Variants in ARMH4 observed in about 807,000 individuals in gnomAD.
ARMH4 encodes the protein armadillo-like helical domain-containing protein 4.
A neutral mutation model predicts 61.9 loss-of-function variants in ARMH4; 49 were observed. The ratio of observed to expected loss-of-function variants is 0.79; its 90% CI spans 0.63 to 1.00. The LOEUF is 1.00. ARMH4 is among the 50% of genes least tolerant of loss of function. The pLI, the probability that ARMH4 is intolerant of heterozygous loss-of-function variation, is 0.00. For missense variants in ARMH4, 934 were observed against 930.0 expected (o/e 1.00, Z -0.06); for synonymous variants, 368 against 341.5 (o/e 1.08, Z -0.85).
chr14:58,055,805 G>A (rs1406272243), intron 5 of ARMH4, among the ~76,000 whole-genome samples: 1 of 152,206 alleles, frequency 6.6e-6, no homozygotes, highest in South Asian at 2.1e-4. Flanking sequence ...AAACTTGATG[G>A]AGGCTGACTT....
chr14:58,032,695 G>C (rs893182669), intron 5 of ARMH4, among the ~76,000 whole-genome samples: 1 of 148,012 alleles, frequency 6.8e-6, no homozygotes, highest in Non-Finnish European at 1.5e-5. Flanking sequence ...GTGTGTGCGC[G>C]CACCGTGCGC....
At chr14:58,025,337 C>A (rs963318195) in intron 5 of ARMH4, among the ~76,000 whole-genome samples, 1 of 152,088 alleles carries the variant, frequency 6.6e-6, no homozygotes, top group African/African-American at 2.4e-5. Flanking sequence ...GTGAGATATA[C>A]TTTTAGCTAG....
intron 5 of ARMH4, among the ~76,000 whole-genome samples, chr14:58,027,202 T>C (rs1209336800): frequency 1.3e-5 from 2 of 152,254 alleles, no homozygotes; most frequent in African/African-American, 4.8e-5. Context: ...ATTTCAGTTA[T>C]GTAAGATAAA....
intron 5 of ARMH4, among the ~76,000 whole-genome samples, chr14:58,076,931 A>C (rs1885065517): frequency 6.6e-6 from 1 of 152,082 alleles, no homozygotes; most frequent in African/African-American, 2.4e-5. Context: ...GGGCCACTAG[A>C]CTTAGCTTTG....
chr14:58,006,906 T>C (rs913374280), intron 6 of ARMH4, among the ~76,000 whole-genome samples: 1 of 147,254 alleles, frequency 6.8e-6, no homozygotes, highest in Non-Finnish European at 1.5e-5. Context: ...ACTTAACGTA[T>C]AATAAAAATA....
chr14:58,094,231 G>A (rs1222196458), intron 5 of ARMH4, among the ~76,000 whole-genome samples: 3 of 151,368 alleles, frequency 2.0e-5, no homozygotes. Context: ...TCAGGAGGCT[G>A]AGGCAGGAGA....
intron 1 of ARMH4, among the ~76,000 whole-genome samples, chr14:58,143,765 CTTTTTT>C (rs201034964): frequency 8.3e-6 from 1 of 120,082 alleles, no homozygotes; most frequent in South Asian, 2.6e-4. Context: ...TGCCCATCCT[CTTTTTT>C]TTTTTTTTTT....
At chr14:58,148,991 T>C (rs755742264) in intron 1 of ARMH4, among the ~76,000 whole-genome samples, 3 of 152,174 alleles carry the variant, frequency 2.0e-5, no homozygotes, top group African/African-American at 4.8e-5. Flanking sequence ...ATGAGGGGGA[T>C]AGTGTCTTAA....
At chr14:58,103,414 G>A (rs942604721) in intron 4 of ARMH4, among the ~76,000 whole-genome samples, 9 of 152,044 alleles carry the variant, frequency 5.9e-5, no homozygotes, top group African/African-American at 1.9e-4. Context: ...ACATGAGGAC[G>A]CAGCAAGAAG....
chr14:58,059,567 A>G (rs1164287251), intron 5 of ARMH4, among the ~76,000 whole-genome samples: 1 of 152,222 alleles, frequency 6.6e-6, no homozygotes, highest in Non-Finnish European at 1.5e-5. Flanking sequence ...CAAATGGACT[A>G]TTGGAAATGG....
chr14:58,131,771 A>C, intron 3 of ARMH4, 50 bp from the exon 4 acceptor site: 1 of 1,537,652 alleles, frequency 6.5e-7, no homozygotes. Flanking sequence ...TCATTATGGC[A>C]AATGTAAGCA....
chr14:58,087,300 G>A (rs567739027), intron 5 of ARMH4, among the ~76,000 whole-genome samples: 26 of 152,182 alleles, frequency 1.7e-4, no homozygotes, highest in Middle Eastern at 3.4e-3. Context: ...ACCCTGAGTC[G>A]GGAGATGCAG....
At position 58,133,359 on chromosome 14, in the gene ARMH4, AT is replaced by A. The variant is rs1373707518; in HGVS notation, c.1370-19del. The stretch of plus-strand genomic sequence containing the variant: ...GATGATGTCTTAAAGGGGGGAAAAC[AT>A]TTAAAAATAGACCAAATCCCTATTT... On this transcript the variant is annotated intron_variant, in intron 2 of 7. Transcript: ENST00000267485. 42 of 1,584,686 alleles carry A rather than the reference AT, an allele frequency of 2.7e-5. No individual in the cohort carries two copies. Among genetic ancestry groups the A allele is most frequent in the Non-Finnish European group, 3.1e-5 (36 of 1,166,508 alleles).
chr14:58,114,439 A>G (rs980437193), intron 4 of ARMH4, among the ~76,000 whole-genome samples: 4 of 152,186 alleles, frequency 2.6e-5, no homozygotes, highest in African/African-American at 9.6e-5. Context: ...CAATCCTTGA[A>G]GATTTTTCTG....
At chr14:58,043,429 C>A (rs12889971) in intron 5 of ARMH4, among the ~76,000 whole-genome samples, 25,914 of 151,908 alleles carry the variant, frequency 0.17, 2,841 homozygotes, top group East Asian at 0.57. Context: ...AACTCTCAAT[C>A]AATTAGGTAT....
At chr14:58,120,271 G>A (rs892001678) in intron 4 of ARMH4, among the ~76,000 whole-genome samples, 1 of 152,006 alleles carries the variant, frequency 6.6e-6, no homozygotes, top group Non-Finnish European at 1.5e-5. Flanking sequence ...CATATATGAG[G>A]TGTGTTGTTG....
intron 1 of ARMH4, chr14:58,141,254 G>A (rs946198481): frequency 1.7e-5 from 5 of 288,016 alleles, no homozygotes; most frequent in South Asian, 8.5e-5. Context: ...TTTCTTCAGC[G>A]AGGCGGCCGG....
At chr14:58,137,392 AT>A (rs918658988) in intron 2 of ARMH4, among the ~76,000 whole-genome samples, 2 of 151,444 alleles carry the variant, frequency 1.3e-5, no homozygotes, top group Admixed American at 1.3e-4. Flanking sequence ...TTTGGGTGTA[AT>A]TTTTTTTTCT....
intron 4 of ARMH4, among the ~76,000 whole-genome samples, chr14:58,103,809 C>G (rs1886081118): frequency 1.3e-5 from 2 of 152,166 alleles, no homozygotes; most frequent in Admixed American, 1.3e-4. Flanking sequence ...TTGCTCCCCA[C>G]AAACCTAAGA....
Sources: allele counts gnomAD v4.1 joint callset (sites outside exome capture counted in the v4.1 genomes callset), GRCh38; gene constraint gnomAD v4.1.1; transcripts MANE v1.5; gene names NCBI Gene and HGNC (gene_info 2026-07-23, HGNC 2026-07-21).